Variants in IPMK observed in about 807,000 individuals in gnomAD.
IPMK encodes the protein inositol 1,3,4,6-tetrakisphosphate 5-kinase.
In IPMK, 17 loss-of-function variants were observed where a neutral mutation model predicts 45.8. The observed-to-expected ratio is 0.37, with a 90% confidence interval of 0.25 to 0.56. IPMK has a LOEUF of 0.56. Ranked by LOEUF, IPMK falls within the 20% of genes least tolerant of loss-of-function variation. IPMK has a pLI of 0.79. For synonymous variants in IPMK, 180 were observed against 184.3 expected (o/e 0.98, Z 0.19); for missense variants, 399 against 498.0 (o/e 0.80, Z 1.89).
chr10:58,207,246 G>A (rs1031141334), intron 4 of IPMK, among the ~76,000 whole-genome samples: 5 of 152,162 alleles, frequency 3.3e-5, no homozygotes, highest in Admixed American at 6.5e-5. Context: ...CTTGTGATCC[G>A]CCTGCCTCGG....
chr10:58,237,115 G>A (rs569053820), intron 2 of IPMK, among the ~76,000 whole-genome samples: 5 of 152,144 alleles, frequency 3.3e-5, no homozygotes, highest in East Asian at 1.9e-4. Flanking sequence ...GCTATGTATC[G>A]TCCCTTTCCC....
At chr10:58,224,119 G>T (rs1056446462) in intron 3 of IPMK, among the ~76,000 whole-genome samples, 1 of 152,232 alleles carries the variant, frequency 6.6e-6, no homozygotes, top group Non-Finnish European at 1.5e-5. Flanking sequence ...AGAGACCTTG[G>T]GTCCCCAGAT....
rs768810591 is a variant in IPMK, at chr10:58,196,457, C to T, written c.870G>A (p.Glu290=). The part of the protein sequence containing the change: ...KGQLSDTEVL[E]YNNNFHVLSS... ...TTAACACATGAAAGTTATTATTGTA[C>T]TCTAGTACTTCTGTGTCTGACAGTT... is the stretch of plus-strand genomic sequence containing the variant. Residue 290 remains glutamate (E), a synonymous_variant, in exon 6 of 6, where the codon GAG becomes GAA. Coordinates refer to ENST00000373935, the MANE Select transcript of IPMK (RefSeq NM_152230.5). 31 of 1,613,990 alleles carry T rather than the reference C, an allele frequency of 1.9e-5. No homozygotes were observed. Among genetic ancestry groups the T allele is most frequent in the Non-Finnish European group, 2.5e-5 (30 of 1,180,018 alleles).
chr10:58,192,129 T>C lies in IPMK; in HGVS notation c.*3947A>G, dbSNP rs958892750. 3 of 151,994 alleles carry C rather than the reference T, an allele frequency of 2.0e-5. No homozygotes were observed. The highest frequency in any genetic ancestry group is 2.1e-4 in the South Asian group (1 of 4,832). The allele number at this position is 151,994 out of a possible 1,614,324, so 9.4% of individuals were successfully genotyped here. A position where few individuals can be genotyped will look rare whatever the true frequency, so the allele number is the denominator to read the frequency against. ...ATTTAAGTATTAACTCAAAAAAAGATAGAGGCTCCAAACTTTTCTAAGAAA... is the reference window on the plus strand; with the variant it reads ...ATTTAAGTATTAACTCAAAAAAAGACAGAGGCTCCAAACTTTTCTAAGAAA... On this transcript the variant is annotated 3_prime_UTR_variant, in exon 6 of 6. Coordinates refer to ENST00000373935, the MANE Select transcript of IPMK (RefSeq NM_152230.5).
At chr10:58,223,233 T>C (rs967985919) in intron 3 of IPMK, among the ~76,000 whole-genome samples, 1 of 152,292 alleles carries the variant, frequency 6.6e-6, no homozygotes, top group African/African-American at 2.4e-5. Context: ...TAATTAAATA[T>C]AACTATCTTA....
chr10:58,243,662 ACTCAATG>A (rs1838733921), intron 1 of IPMK, among the ~76,000 whole-genome samples: 1 of 152,134 alleles, frequency 6.6e-6, no homozygotes, highest in Non-Finnish European at 1.5e-5. Flanking sequence ...AGTCTCGCTC[ACTCAATG>A]CTCAATGTTG....
At chr10:58,229,553 A>C (rs1370329899) in intron 2 of IPMK, among the ~76,000 whole-genome samples, 2 of 112,580 alleles carry the variant, frequency 1.8e-5, no homozygotes, top group Non-Finnish European at 3.4e-5. Flanking sequence ...ACAGAGCGAG[A>C]CCACGTCTCA....
intron 2 of IPMK, among the ~76,000 whole-genome samples, chr10:58,236,389 T>C (rs2132164669): frequency 6.6e-6 from 1 of 152,260 alleles, no homozygotes; most frequent in African/African-American, 2.4e-5. Context: ...CTGGAAAAGA[T>C]CTTAAGCACT....
chr10:58,241,704 C>A (rs1247952504), intron 1 of IPMK, among the ~76,000 whole-genome samples: 1 of 152,112 alleles, frequency 6.6e-6, no homozygotes, highest in East Asian at 1.9e-4. Context: ...TGTGTTCTCA[C>A]ATGGCAGACA....
intron 4 of IPMK, among the ~76,000 whole-genome samples, chr10:58,206,213 A>G (rs1346311815): frequency 7.7e-6 from 1 of 129,258 alleles, no homozygotes; most frequent in East Asian, 2.4e-4. Flanking sequence ...CACACATTGT[A>G]CTGTAAATTT....
At chr10:58,220,988 A>G (rs982656563) in intron 3 of IPMK, among the ~76,000 whole-genome samples, 7 of 152,236 alleles carry the variant, frequency 4.6e-5, no homozygotes, top group Non-Finnish European at 7.3e-5. Context: ...CCTGGAGTCT[A>G]TTCTTACCCT....
intron 2 of IPMK, among the ~76,000 whole-genome samples, chr10:58,227,944 A>G (rs1246426591): frequency 2.6e-5 from 4 of 152,220 alleles, no homozygotes; most frequent in African/African-American, 9.7e-5. Flanking sequence ...TAGTATTAGA[A>G]TCTAATTATA....
intron 2 of IPMK, among the ~76,000 whole-genome samples, chr10:58,229,148 C>A (rs895546860): frequency 1.3e-5 from 2 of 152,100 alleles, no homozygotes; most frequent in Non-Finnish European, 2.9e-5. Flanking sequence ...CAGAGAAAAA[C>A]AGAGAAGCAG....
chr10:58,197,326 A>AATAAATACATACATAC (rs764500371), intron 5 of IPMK, among the ~76,000 whole-genome samples: 9 of 146,430 alleles, frequency 6.1e-5, no homozygotes, highest in African/African-American at 2.4e-4. Context: ...TAAATAAATA[A>AATAAATACATACATAC]ATACATAAAT....
At chr10:58,253,754 A>AAAAAAAAAAAAAAAAG (rs1838921566) in intron 1 of IPMK, among the ~76,000 whole-genome samples, 1 of 143,414 alleles carries the variant, frequency 7.0e-6, no homozygotes, top group Non-Finnish European at 1.5e-5. Context: ...AAAAAAAGAA[A>AAAAAAAAAAAAAAAAG]AAAAAAGAAA....
intron 3 of IPMK, among the ~76,000 whole-genome samples, chr10:58,219,240 CTA>C (rs1838294508): frequency 6.6e-6 from 1 of 152,110 alleles, no homozygotes; most frequent in Non-Finnish European, 1.5e-5. Context: ...ATTCTCATTT[CTA>C]TCTTTCCCTC....
Position 58,196,715 on chromosome 10 carries a change from A to G in IPMK, c.629-17T>C, listed in dbSNP as rs766769958. 6.8e-7 allele frequency: 1 copy of G among 1,477,536 alleles called. No homozygotes were observed. Among genetic ancestry groups the G allele is most frequent in the East Asian group, 2.3e-5 (1 of 44,038 alleles). 91.5% of individuals were successfully genotyped at this position (1,477,536 alleles called of 1,614,324 possible). A position where few individuals can be genotyped will look rare whatever the true frequency, so the allele number is the denominator to read the frequency against. On this transcript the variant is annotated splice_polypyrimidine_tract_variant and intron_variant, in intron 5 of 5. Coordinates refer to ENST00000373935, the MANE Select transcript of IPMK (RefSeq NM_152230.5). ...TGGAGACTCCTATAAAAAGAAAAAT[A>G]TGAGCGTTATAATCAAATTATGAAA...
At chr10:58,233,214 G>A (rs146337098) in intron 2 of IPMK, among the ~76,000 whole-genome samples, 7,522 of 152,154 alleles carry the variant, frequency 0.049, 448 homozygotes, top group East Asian at 0.31. Context: ...AGGACCAGAT[G>A]GATTCACAGC....
chr10:58,204,309 T>C (rs79264182), intron 4 of IPMK, among the ~76,000 whole-genome samples: 1 of 152,202 alleles, frequency 6.6e-6, no homozygotes, highest in East Asian at 1.9e-4. Context: ...AATTTTTTTT[T>C]AATGGAAAGA....
Sources: gnomAD v4.1 joint callset for allele counts (sites outside exome capture counted in the v4.1 genomes callset) on GRCh38, gnomAD v4.1.1 for gene constraint, MANE v1.5 for transcripts, NCBI Gene and HGNC (gene_info 2026-07-23, HGNC 2026-07-21) for gene names.